ZNF423: variants seen among roughly 807,000 people sequenced by gnomAD.
The protein encoded by ZNF423 is Ebf-associated zinc finger protein.
In ZNF423, 12 loss-of-function variants were observed where a neutral mutation model predicts 95.8. The observed-to-expected ratio is 0.13, with a 90% CI of 0.08 to 0.20. The LOEUF (loss-of-function observed/expected upper bound fraction) is 0.20, where lower values mean the gene tolerates loss of function less well. ZNF423 is among the 10% of genes least tolerant of loss of function. The pLI is 1.00. For synonymous variants in ZNF423, 749 were observed against 711.9 expected, an observed-to-expected ratio of 1.05 and a Z score of -0.83; for missense variants, 1,316 against 1,737.1, an observed-to-expected ratio of 0.76 and a Z score of 4.31.
intron 5 of ZNF423, among the ~76,000 whole-genome samples, chr16:49,570,923 G>T (rs913153305): frequency 6.6e-6 from 1 of 152,190 alleles, no homozygotes; most frequent in African/African-American, 2.4e-5. Flanking sequence ...GGTCCTGCCC[G>T]TGTGCTGGGG....
chr16:49,499,646 C>A (rs547450930), intron 7 of ZNF423, among the ~76,000 whole-genome samples: 8 of 152,316 alleles, frequency 5.3e-5, no homozygotes, highest in African/African-American at 1.9e-4. Flanking sequence ...GGGTGCCCCC[C>A]ACTTTCCGTG....
intron 5 of ZNF423, among the ~76,000 whole-genome samples, chr16:49,535,126 A>C (rs1286184236): frequency 6.6e-6 from 1 of 152,178 alleles, no homozygotes; most frequent in Non-Finnish European, 1.5e-5. Context: ...AGCTGGGCCC[A>C]TGCAGAAATC....
chr16:49,573,603 T>A (rs563570815), intron 5 of ZNF423, among the ~76,000 whole-genome samples: 1 of 152,272 alleles, frequency 6.6e-6, no homozygotes, highest in East Asian at 1.9e-4. Context: ...ACCAGTTCCA[T>A]CATCTGGGCC....
Position 49,719,876 on chromosome 16 carries a change from C to T in ZNF423, c.301+10895G>A, listed in dbSNP as rs114680905. ...ACTAATATACTGGGTTTCTCAGGAA[C>T]GCACGAGAGAGGTTCAGCATAGCTG... is the stretch of plus-strand genomic sequence containing the variant. On this transcript the variant is annotated intron_variant, in intron 3 of 7. Coordinates refer to ENST00000563137, the MANE Select transcript of ZNF423 (RefSeq NM_001379286.1). Among the ~76,000 whole-genome samples the T allele has an allele frequency of 2.7e-3, 412 of 152,334 alleles. 1 individual carries two copies. The highest frequency in any genetic ancestry group is 6.2e-3 in the African/African-American group (259 of 41,568).
intron 2 of ZNF423, among the ~76,000 whole-genome samples, chr16:49,773,328 A>G (rs1486957412): frequency 6.6e-6 from 1 of 152,138 alleles, no homozygotes; most frequent in Admixed American, 6.5e-5. Context: ...CACAAAAAAA[A>G]AACAAAAAGC....
chr16:49,598,592 G>C (rs952856625), intron 5 of ZNF423, among the ~76,000 whole-genome samples: 1 of 152,230 alleles, frequency 6.6e-6, no homozygotes, highest in Non-Finnish European at 1.5e-5. Flanking sequence ...ACGCGCACTG[G>C]GGACAAAACT....
Position 49,699,136 on chromosome 16 carries a change from C to T in ZNF423, c.301+31635G>A, listed in dbSNP as rs1596876780. ...AGCCGACAGGCACTTAGCTAGTCAG[C>T]TATTAGTGTTACAAAGGGAAAAATG... is the stretch of plus-strand genomic sequence containing the variant. On this transcript the variant is annotated intron_variant, in intron 3 of 7. Coordinates refer to ENST00000563137, the MANE Select transcript of ZNF423 (RefSeq NM_001379286.1). Among the ~76,000 whole-genome samples the T allele has an allele frequency of 2.0e-5, 3 of 152,320 alleles. No homozygotes were observed. The South Asian group carries it at 6.2e-4, about 32-fold the overall frequency.
chr16:49,654,065 G>A (rs1973511535), intron 3 of ZNF423, among the ~76,000 whole-genome samples: 1 of 152,228 alleles, frequency 6.6e-6, no homozygotes, highest in African/African-American at 2.4e-5. Flanking sequence ...TTACAGATCA[G>A]ACATCTGAGA....
intron 3 of ZNF423, among the ~76,000 whole-genome samples, chr16:49,672,619 C>A (rs2030863481): frequency 6.6e-6 from 1 of 152,130 alleles, no homozygotes; most frequent in Non-Finnish European, 1.5e-5. Context: ...GAGTTCAAGA[C>A]CAGCCTGGCC....
intron 3 of ZNF423, among the ~76,000 whole-genome samples, chr16:49,671,874 G>T (rs2030828045): frequency 6.6e-6 from 1 of 151,948 alleles, no homozygotes. Flanking sequence ...TAGTAGAGAT[G>T]GGGTTTCACC....
At chr16:49,707,533 T>G (rs1389305753) in intron 3 of ZNF423, among the ~76,000 whole-genome samples, 1 of 151,446 alleles carries the variant, frequency 6.6e-6, no homozygotes, top group Non-Finnish European at 1.5e-5. Context: ...AGGAGAATCA[T>G]TTGAACCCAG....
chr16:49,677,801 C>T (rs900705161), intron 3 of ZNF423, among the ~76,000 whole-genome samples: 2 of 150,280 alleles, frequency 1.3e-5, no homozygotes, highest in African/African-American at 4.9e-5. Flanking sequence ...ATTAGAAATG[C>T]AGAATTTCAG....
intron 5 of ZNF423, among the ~76,000 whole-genome samples, chr16:49,610,321 T>G (rs75204356): frequency 0.023 from 3,572 of 152,246 alleles, 137 homozygotes; most frequent in African/African-American, 0.08. Flanking sequence ...ATGTTTGATG[T>G]CTAATGTAAA....
At chr16:49,836,389 G>A (rs1288524007) in intron 1 of ZNF423, among the ~76,000 whole-genome samples, 3 of 152,004 alleles carry the variant, frequency 2.0e-5, no homozygotes, top group African/African-American at 4.8e-5. Context: ...AGGGAAGGGG[G>A]ACTTAGTCAC....
At chr16:49,695,901 T>C (rs1275045424) in intron 3 of ZNF423, among the ~76,000 whole-genome samples, 1 of 152,222 alleles carries the variant, frequency 6.6e-6, no homozygotes, top group Non-Finnish European at 1.5e-5. Flanking sequence ...ATTATTCCAA[T>C]GCATCCTCCC....
intron 3 of ZNF423, among the ~76,000 whole-genome samples, chr16:49,670,428 C>T (rs1291016830): frequency 6.6e-6 from 1 of 152,238 alleles, no homozygotes; most frequent in Non-Finnish European, 1.5e-5. Flanking sequence ...CAGACCCCCT[C>T]ATGGCTGTGG....
intron 3 of ZNF423, among the ~76,000 whole-genome samples, chr16:49,708,887 T>C (rs1318370490): frequency 6.6e-6 from 1 of 152,102 alleles, no homozygotes; most frequent in Non-Finnish European, 1.5e-5. Context: ...AAATATTTGT[T>C]GAATGAATGA....
At chr16:49,571,982 C>T (rs1169683770) in intron 5 of ZNF423, among the ~76,000 whole-genome samples, 1 of 152,202 alleles carries the variant, frequency 6.6e-6, no homozygotes, top group African/African-American at 2.4e-5. Context: ...ACTGATTGAG[C>T]ACCTACTATG....
chr16:49,584,403 AG>A (rs1290041997), intron 5 of ZNF423, among the ~76,000 whole-genome samples: 1 of 152,178 alleles, frequency 6.6e-6, no homozygotes, highest in Admixed American at 6.5e-5. Flanking sequence ...TCAAGCTTTA[AG>A]GGGGCTGCTG....
Sources: allele counts gnomAD v4.1 joint callset (sites outside exome capture counted in the v4.1 genomes callset), GRCh38; gene constraint gnomAD v4.1.1; transcripts MANE v1.5; gene names NCBI Gene and HGNC (gene_info 2026-07-23, HGNC 2026-07-21).